DEXI: variants seen among roughly 807,000 people sequenced by gnomAD.
DEXI encodes the protein dexamethasone-induced protein.
Under a neutral mutation model 2.5 loss-of-function variants are expected in DEXI, and 2 were observed. That is an observed-to-expected ratio of 0.81 (90% CI 0.33 to 2.55). The LOEUF is 2.55. Among genes scored for constraint, DEXI ranks in the 30% most tolerant of loss-of-function variants. DEXI has a pLI of 0.11. For missense variants in DEXI, 108 were observed against 130.3 expected, an observed-to-expected ratio of 0.83 and a Z score of 0.83; for synonymous variants, 71 against 68.7, an observed-to-expected ratio of 1.03 and a Z score of -0.17.
Position 10,939,787 on chromosome 16 carries a change from G to A in DEXI, c.*149+1782C>T, listed in dbSNP as rs1215383745. On this transcript the variant is annotated intron_variant, in intron 1 of 1. Transcript: ENST00000331808. This position sits in a 1 kb window ranked among gnomAD's most constrained non-coding sequence, Gnocchi z 4.9. ...CAGTGAACACAACAGGGAAGCTCAT[G>A]TCCTTCTTGCCTGCCTTCATAGTTC... The A allele has an allele frequency of 6.6e-6, 1 of 152,260 alleles. No homozygotes were observed. The highest frequency in any genetic ancestry group is 1.5e-5 in the Non-Finnish European group (1 of 68,074). 9.4% of individuals were successfully genotyped at this position (152,260 alleles called of 1,614,324 possible).
rs1448409589 is a variant in DEXI at position 10,938,709 on chromosome 16, G to A, written c.*149+2860C>T. ...TCCTTGGCTTGGATTTGAGGGTGGG[G>A]AGGAGGGAAGGCTGTGCATGGCTTC... On this transcript the variant is annotated intron_variant, in intron 1 of 1. Coordinates refer to ENST00000331808, the MANE Select transcript of DEXI (RefSeq NM_014015.4). This position sits in a 1 kb window ranked among gnomAD's most constrained non-coding sequence, Gnocchi z 4.9. The A allele has an allele frequency of 6.6e-6, 1 of 152,220 alleles. No homozygotes were observed. The allele number at this position is 152,220 out of a possible 1,614,324, so 9.4% of individuals were successfully genotyped here. A position where few individuals can be genotyped will look rare whatever the true frequency, so the allele number is the denominator to read the frequency against.
At chr16:10,933,717 T>C (rs2040898122) in intron 1 of DEXI, 1 of 152,340 alleles carries the variant, frequency 6.6e-6, no homozygotes, top group Admixed American at 6.5e-5. Context: ...AGGGGCCTTC[T>C]GAAAGCAGCA....
chr16:10,933,188 G>A (rs2040872525), intron 1 of DEXI: 1 of 152,276 alleles, frequency 6.6e-6, no homozygotes, highest in African/African-American at 2.4e-5. Context: ...CCATTCCCCA[G>A]AGCTGGACAG....
intron 1 of DEXI, chr16:10,935,471 T>A (rs2040988161): frequency 6.6e-6 from 1 of 152,248 alleles, no homozygotes; most frequent in Non-Finnish European, 1.5e-5. Context: ...TTTTTATCCA[T>A]GCCAAGCGAT....
Position 10,941,836 on chromosome 16 carries a change from A to C in DEXI, c.170T>G (p.Val57Gly). The stretch of plus-strand genomic sequence containing the variant: ...CTGGTCCATGTCCTCGGGCAGGAAG[A>C]CGAGGCCCACGTTGAGGACGATGTA... ...MEYIVLNVGLVFLPEDMDQAL... is the reference protein window; with the variant it reads ...MEYIVLNVGLGFLPEDMDQAL... The change falls in exon 1 of 2, where the codon GTC (valine) becomes GGC (glycine). Residue 57 changes from valine to glycine, a missense_variant. By Grantham distance (109) the Val-to-Gly change is moderately radical (BLOSUM62 -3). Transcript: ENST00000331808. This position sits in a 1 kb window ranked among gnomAD's most constrained non-coding sequence, Gnocchi z 6.4. 1.2e-6 allele frequency: 2 copies of C among 1,613,284 alleles called. No individual in the cohort carries two copies. Among genetic ancestry groups the C allele is most frequent in the Non-Finnish European group, 1.7e-6 (2 of 1,179,850 alleles).
At position 10,941,521 on chromosome 16, in the gene DEXI, T is replaced by C. The variant is rs2041101953; in HGVS notation, c.*149+48A>G. ...CGGCCTGGGAATTCCTCCCTCTCCC[T>C]TGCTAGCGCCCCAACCCGCCCTCAT... On this transcript the variant is annotated intron_variant, in intron 1 of 1. Transcript: ENST00000331808. The surrounding 1 kb of genome is among the most constrained non-coding windows in gnomAD (Gnocchi z 6.4). The C allele has an allele frequency of 1.4e-6, 2 of 1,397,882 alleles. No individual in the cohort carries two copies. The highest frequency in any genetic ancestry group is 9.3e-7 in the Non-Finnish European group (1 of 1,073,172). 86.6% of individuals were successfully genotyped at this position (1,397,882 alleles called of 1,614,324 possible).
At position 10,938,362 on chromosome 16, in the gene DEXI, C is replaced by T. The variant is rs548163820; in HGVS notation, c.*149+3207G>A. ...AGGAACTGAATTATGTGGGTCCACA[C>T]ATAAGAGAAAAAAAAAAAAAAGAGG... On this transcript the variant is annotated intron_variant, in intron 1 of 1. Transcript: ENST00000331808. The surrounding 1 kb of genome is among the most constrained non-coding windows in gnomAD (Gnocchi z 4.9). 6.9e-6 allele frequency: 1 copy of T among 144,666 alleles called. No individual in the cohort carries two copies. The highest frequency in any genetic ancestry group is 2.2e-4 in the South Asian group (1 of 4,496). The allele number at this position is 144,666 out of a possible 1,614,324, so 9.0% of individuals were successfully genotyped here.
At position 10,940,242 on chromosome 16, in the gene DEXI, C is replaced by G. The variant is rs1275728981; in HGVS notation, c.*149+1327G>C. The stretch of plus-strand genomic sequence containing the variant: ...TCCCAAATGATGGTATTGCGGGGTG[C>G]GGCCTTAGGGAGGTGATTAGGTCAC... On this transcript the variant is annotated intron_variant, in intron 1 of 1. Transcript: ENST00000331808. This position sits in a 1 kb window ranked among gnomAD's most constrained non-coding sequence, Gnocchi z 4.2. 1 of 152,174 alleles carries G rather than the reference C, an allele frequency of 6.6e-6. No individual in the cohort carries two copies. Among genetic ancestry groups the G allele is most frequent in the Non-Finnish European group, 1.5e-5 (1 of 68,034 alleles). The allele number at this position is 152,174 out of a possible 1,614,324, so 9.4% of individuals were successfully genotyped here.
Position 10,930,662 on chromosome 16 carries a change from C to G in DEXI, c.*150-1103G>C, listed in dbSNP as rs192485713. 6.6e-5 allele frequency: 10 copies of G among 152,368 alleles called. No homozygotes were observed. In the East Asian group the frequency reaches 1.9e-3, roughly 29 times the overall value. 9.4% of individuals were successfully genotyped at this position (152,368 alleles called of 1,614,324 possible). A position where few individuals can be genotyped will look rare whatever the true frequency, so the allele number is the denominator to read the frequency against. On this transcript the variant is annotated intron_variant, in intron 1 of 1. Transcript: ENST00000331808. ...ACGATGGAAACGGTCTGAATGAGAG[C>G]AGGTACCATTTCCTGAGCTCTTAGC... is the stretch of plus-strand genomic sequence containing the variant.
rs1481565698 is a variant in DEXI at position 10,937,830 on chromosome 16, C to CA, written c.*149+3738_*149+3739insT. ...GGCAACAATTAACACTCTAGGAAAA[C>CA]CACAGAGCCGGCTATCCAGGGTTCT... On this transcript the variant is annotated intron_variant, in intron 1 of 1. Coordinates refer to ENST00000331808, the MANE Select transcript of DEXI (RefSeq NM_014015.4). The surrounding 1 kb of genome is among the most constrained non-coding windows in gnomAD (Gnocchi z 4.2). 2 of 152,210 alleles carry CA rather than the reference C, an allele frequency of 1.3e-5. No homozygotes were observed. The highest frequency in any genetic ancestry group is 4.8e-5 in the African/African-American group (2 of 41,438). The allele number at this position is 152,210 out of a possible 1,614,324, so 9.4% of individuals were successfully genotyped here. A position where few individuals can be genotyped will look rare whatever the true frequency, so the allele number is the denominator to read the frequency against.
In DEXI at chr16:10,937,529, T is replaced by A. The variant is rs1472561745; in HGVS notation, c.*149+4040A>T. 2 of 152,224 alleles carry A rather than the reference T, an allele frequency of 1.3e-5. No individual in the cohort carries two copies. Among genetic ancestry groups the A allele is most frequent in the African/African-American group, 4.8e-5 (2 of 41,438 alleles). The allele number at this position is 152,224 out of a possible 1,614,324, so 9.4% of individuals were successfully genotyped here. ...GGAATAAGATAGACCAATGCATCGA[T>A]AACCCTCAGCTCCAAATCTGAGCTG... On this transcript the variant is annotated intron_variant, in intron 1 of 1. Coordinates refer to ENST00000331808, the MANE Select transcript of DEXI (RefSeq NM_014015.4). The surrounding 1 kb of genome is among the most constrained non-coding windows in gnomAD (Gnocchi z 4.2).
At position 10,938,297 on chromosome 16, in the gene DEXI, C is replaced by G. The variant is rs970343578; in HGVS notation, c.*149+3272G>C. On this transcript the variant is annotated intron_variant, in intron 1 of 1. Transcript: ENST00000331808. This position sits in a 1 kb window ranked among gnomAD's most constrained non-coding sequence, Gnocchi z 4.9. ...AGGGCCCTGGCTCTTAACCATGACCCTAATACTGCCTCCTCAAGTAGGTGC... is the reference window on the plus strand; with the variant it reads ...AGGGCCCTGGCTCTTAACCATGACCGTAATACTGCCTCCTCAAGTAGGTGC... The G allele has an allele frequency of 6.6e-6, 1 of 151,844 alleles. No homozygotes were observed. Among genetic ancestry groups the G allele is most frequent in the African/African-American group, 2.4e-5 (1 of 41,290 alleles). 9.4% of individuals were successfully genotyped at this position (151,844 alleles called of 1,614,324 possible).
Position 10,929,564 on chromosome 16 carries a change from C to A in DEXI, c.*150-5G>T. ...AAGCTTTTGAGGGGAGCAGGTCTAA[C>A]AAGAAGGAAAAAGGGGGGTTATTAG... On this transcript the variant is annotated splice_region_variant and splice_polypyrimidine_tract_variant and intron_variant, in intron 1 of 1. Transcript: ENST00000331808. This position sits in a 1 kb window ranked among gnomAD's most constrained non-coding sequence, Gnocchi z 4.3. 2.0e-6 allele frequency: 2 copies of A among 985,280 alleles called. No individual in the cohort carries two copies. The highest frequency in any genetic ancestry group is 2.4e-6 in the Non-Finnish European group (2 of 829,930). 61.0% of individuals were successfully genotyped at this position (985,280 alleles called of 1,614,324 possible). A position where few individuals can be genotyped will look rare whatever the true frequency, so the allele number is the denominator to read the frequency against.
At chr16:10,936,002 TC>T (rs1185538095) in intron 1 of DEXI, 3 of 151,212 alleles carry the variant, frequency 2.0e-5, no homozygotes, top group African/African-American at 7.3e-5. Flanking sequence ...TTTTTTTTTT[TC>T]GTTTTGAGAC....
Position 10,937,741 on chromosome 16 carries a change from C to A in DEXI, c.*149+3828G>T, listed in dbSNP as rs534068255. The A allele has an allele frequency of 2.0e-5, 3 of 152,270 alleles. No homozygotes were observed. The highest frequency in any genetic ancestry group is 4.4e-5 in the Non-Finnish European group (3 of 68,086). The allele number at this position is 152,270 out of a possible 1,614,324, so 9.4% of individuals were successfully genotyped here. ...GTGAAGACTCTCCCTGGCTCCCAGG[C>A]CAGCCACTGCAGCCCTTTCTCCTGG... is the stretch of plus-strand genomic sequence containing the variant. On this transcript the variant is annotated intron_variant, in intron 1 of 1. Transcript: ENST00000331808. The surrounding 1 kb of genome is among the most constrained non-coding windows in gnomAD (Gnocchi z 4.2).
rs184074963 is a variant in DEXI at position 10,938,445 on chromosome 16, C to A, written c.*149+3124G>T. ...ATTCATCCTGGGCCCCACTGTGTGA[C>A]ATGCTCCACGCCCTTAGTCACTGTT... On this transcript the variant is annotated intron_variant, in intron 1 of 1. Coordinates refer to ENST00000331808, the MANE Select transcript of DEXI (RefSeq NM_014015.4). This position sits in a 1 kb window ranked among gnomAD's most constrained non-coding sequence, Gnocchi z 4.9. 7 of 151,980 alleles carry A rather than the reference C, an allele frequency of 4.6e-5. No individual in the cohort carries two copies. Among genetic ancestry groups the A allele is most frequent in the African/African-American group, 1.5e-4 (6 of 41,368 alleles). 9.4% of individuals were successfully genotyped at this position (151,980 alleles called of 1,614,324 possible). A position where few individuals can be genotyped will look rare whatever the true frequency, so the allele number is the denominator to read the frequency against.
Position 10,941,825 on chromosome 16 carries a change from C to T in DEXI, c.181G>A (p.Glu61Lys). ...TCCACGAGCGCCTGGTCCATGTCCT[C>T]GGGCAGGAAGACGAGGCCCACGTTG... ...VLNVGLVFLP[E>K]DMDQALVDLG... Residue 61 changes from glutamate to lysine, a missense_variant, in exon 1 of 2, where the codon GAG becomes AAG. Glu to Lys is a moderately conservative substitution (Grantham distance 56). Transcript: ENST00000331808. This position sits in a 1 kb window ranked among gnomAD's most constrained non-coding sequence, Gnocchi z 6.4. 1 of 1,613,482 alleles carries T rather than the reference C, an allele frequency of 6.2e-7. No homozygotes were observed. Among genetic ancestry groups the T allele is most frequent in the Non-Finnish European group, 8.5e-7 (1 of 1,179,848 alleles).
chr16:10,936,360 C>T (rs1347431226), intron 1 of DEXI: 1 of 152,006 alleles, frequency 6.6e-6, no homozygotes, highest in Non-Finnish European at 1.5e-5. Context: ...TGTCCTTGTT[C>T]TAAGGAAATA....
rs1171192968 is a variant in DEXI, at chr16:10,938,799, G to C, written c.*149+2770C>G. 3 of 152,166 alleles carry C rather than the reference G, an allele frequency of 2.0e-5. No individual in the cohort carries two copies. Among genetic ancestry groups the C allele is most frequent in the African/African-American group, 7.2e-5 (3 of 41,420 alleles). 9.4% of individuals were successfully genotyped at this position (152,166 alleles called of 1,614,324 possible). On this transcript the variant is annotated intron_variant, in intron 1 of 1. Transcript: ENST00000331808. This position sits in a 1 kb window ranked among gnomAD's most constrained non-coding sequence, Gnocchi z 4.9. ...CCTGACACCCCGAGAGCTTTGCAAGGGTGTCCCTGAGAGATATTTCCTGGT... is the reference window on the plus strand; with the variant it reads ...CCTGACACCCCGAGAGCTTTGCAAGCGTGTCCCTGAGAGATATTTCCTGGT...
Sources: allele counts gnomAD v4.1 joint callset, GRCh38; gene constraint gnomAD v4.1.1; non-coding constraint Gnocchi (gnomAD v3.1); transcripts MANE v1.5; gene names NCBI Gene and HGNC (gene_info 2026-07-23, HGNC 2026-07-21).